The following CDH12 variants were observed in gnomAD, a reference collection of about 807,000 sequenced individuals.
CDH12 encodes the protein cadherin 12.
Under a neutral mutation model 74.1 loss-of-function variants are expected in CDH12, and 41 were observed. The observed-to-expected ratio is 0.55, with a 90% CI of 0.43 to 0.72. The LOEUF is 0.72. Ranked by LOEUF, CDH12 falls within the 30% of genes least tolerant of loss-of-function variation. The probability of loss-of-function intolerance (pLI) is 0.00; values close to 1 mark genes in which losing one functional copy is unlikely to be tolerated. For missense variants in CDH12, 945 were observed against 977.2 expected (o/e 0.97, Z 0.44); for synonymous variants, 399 against 355.0 (o/e 1.12, Z -1.39).
At chr5:22,274,832 T>A (rs554013141) in intron 3 of CDH12, among the ~76,000 whole-genome samples, 1 of 152,140 alleles carries the variant, frequency 6.6e-6, no homozygotes, top group Non-Finnish European at 1.5e-5. Flanking sequence ...TTAAAAGTTA[T>A]ATGCATCTTA....
intron 4 of CDH12, among the ~76,000 whole-genome samples, chr5:22,136,652 T>G (rs2150292959): frequency 6.6e-6 from 1 of 151,144 alleles, no homozygotes; most frequent in Middle Eastern, 3.4e-3. Context: ...TACCCTGTGA[T>G]TCTGTTTTAT....
intron 6 of CDH12, among the ~76,000 whole-genome samples, chr5:21,922,712 C>T (rs2150073256): frequency 6.6e-6 from 1 of 152,190 alleles, no homozygotes; most frequent in Non-Finnish European, 1.5e-5. Flanking sequence ...GCAATTCACC[C>T]TATTCCCTTA....
intron 1 of CDH12, among the ~76,000 whole-genome samples, chr5:22,822,952 T>C (rs1004101918): frequency 4.9e-4 from 74 of 152,244 alleles, no homozygotes; most frequent in Admixed American, 3.8e-3. Flanking sequence ...ATTGCAGCAC[T>C]ATTCACAATA....
chr5:21,984,958 C>G (rs542912946), intron 5 of CDH12, among the ~76,000 whole-genome samples: 99 of 151,212 alleles, frequency 6.5e-4, no homozygotes, highest in Non-Finnish European at 1.2e-3. Flanking sequence ...CACATTGTCA[C>G]AGTTTCAGTT....
intron 1 of CDH12, among the ~76,000 whole-genome samples, chr5:22,528,576 C>T (rs569904148): frequency 2.6e-5 from 4 of 152,196 alleles, no homozygotes; most frequent in African/African-American, 7.2e-5. Flanking sequence ...TCAGGGGACA[C>T]GTAGAAGCTT....
At chr5:21,777,056 C>A (rs990715176) in intron 11 of CDH12, among the ~76,000 whole-genome samples, 5 of 151,984 alleles carry the variant, frequency 3.3e-5, no homozygotes, top group Non-Finnish European at 7.4e-5. Context: ...ACTAAGTGTG[C>A]TATTATGTTG....
At chr5:21,883,165 A>T (rs1207063345) in intron 6 of CDH12, 2 of 1,498,480 alleles carry the variant, frequency 1.3e-6, no homozygotes. Flanking sequence ...GCAATGAAAA[A>T]GGTTGGAAGA....
At chr5:22,084,272 C>T (rs1249818711) in intron 4 of CDH12, among the ~76,000 whole-genome samples, 1 of 152,058 alleles carries the variant, frequency 6.6e-6, no homozygotes, top group Non-Finnish European at 1.5e-5. Context: ...GTTCTGGGGT[C>T]CGATAGATGA....
rs1010052110 is a variant in CDH12 at position 21,822,068 on chromosome 5, C to T, written c.815-4936G>A. Among the ~76,000 whole-genome samples the T allele has an allele frequency of 5.3e-5, 8 of 151,926 alleles. 1 individual carries two copies. The highest frequency in any genetic ancestry group is 2.0e-4 in the Admixed American group (3 of 15,224). On this transcript the variant is annotated intron_variant, in intron 8 of 14. Coordinates refer to ENST00000382254, the MANE Select transcript of CDH12 (RefSeq NM_004061.5). ...GTGACCCTGGGCAAAATATTTTAAA[C>T]ATCCCTCTTTTCCTGATCGTTTAAA...
intron 3 of CDH12, among the ~76,000 whole-genome samples, chr5:22,304,836 A>AAATT (rs1393368066): frequency 1.3e-5 from 2 of 152,200 alleles, no homozygotes; most frequent in Non-Finnish European, 2.9e-5. Context: ...AGTTATGCAT[A>AAATT]AATTGGTTAA....
At chr5:22,420,020 GGTGT>G (rs745477104) in intron 2 of CDH12, among the ~76,000 whole-genome samples, 1 of 151,024 alleles carries the variant, frequency 6.6e-6, no homozygotes, top group African/African-American at 2.4e-5. Context: ...TGTTTGTTTT[GGTGT>G]GTGTGTGTGT....
intron 1 of CDH12, among the ~76,000 whole-genome samples, chr5:22,696,112 TA>T (rs1237343152): frequency 2.0e-5 from 3 of 152,178 alleles, no homozygotes; most frequent in African/African-American, 7.2e-5. Flanking sequence ...CTCATGCCTG[TA>T]ATCCCTGCAC....
intron 3 of CDH12, among the ~76,000 whole-genome samples, chr5:22,375,713 C>G (rs1398205852): frequency 6.6e-6 from 1 of 151,780 alleles, no homozygotes; most frequent in Admixed American, 6.6e-5. Context: ...CATTAATAAT[C>G]AGGGAAATGC....
At chr5:21,993,692 G>A (rs896396112) in intron 5 of CDH12, among the ~76,000 whole-genome samples, 2 of 151,998 alleles carry the variant, frequency 1.3e-5, no homozygotes, top group African/African-American at 4.8e-5. Context: ...CTCAAGAGAC[G>A]AACACAGCCC....
At chr5:22,729,096 C>T (rs555024005) in intron 1 of CDH12, among the ~76,000 whole-genome samples, 1 of 151,846 alleles carries the variant, frequency 6.6e-6, no homozygotes, top group South Asian at 2.1e-4. Flanking sequence ...AACAATTGAT[C>T]CCAAACTTAG....
At chr5:22,243,558 A>T (rs1481257572) in intron 3 of CDH12, among the ~76,000 whole-genome samples, 1 of 152,190 alleles carries the variant, frequency 6.6e-6, no homozygotes, top group African/African-American at 2.4e-5. Flanking sequence ...CTTGAAGACT[A>T]GATTATTTTA....
intron 1 of CDH12, among the ~76,000 whole-genome samples, chr5:22,704,056 T>C (rs1580905801): frequency 6.6e-6 from 1 of 152,308 alleles, no homozygotes; most frequent in South Asian, 2.1e-4. Flanking sequence ...GGGGGTTCCA[T>C]GTGCTCTTCA....
chr5:22,089,896 T>G (rs1743311454), intron 4 of CDH12, among the ~76,000 whole-genome samples: 1 of 151,964 alleles, frequency 6.6e-6, no homozygotes, highest in Non-Finnish European at 1.5e-5. Context: ...AACATACAAA[T>G]GTATGTAACA....
intron 1 of CDH12, among the ~76,000 whole-genome samples, chr5:22,660,336 G>T (rs1006060322): frequency 6.6e-6 from 1 of 152,162 alleles, no homozygotes; most frequent in African/African-American, 2.4e-5. Flanking sequence ...AAATGATAGT[G>T]CATGCTATAT....
Sources: allele counts gnomAD v4.1 joint callset (sites outside exome capture counted in the v4.1 genomes callset), GRCh38; gene constraint gnomAD v4.1.1; transcripts MANE v1.5; gene names NCBI Gene and HGNC (gene_info 2026-07-23, HGNC 2026-07-21).